AGPAT4: variants seen among roughly 807,000 people sequenced by gnomAD.
The protein encoded by AGPAT4 is 1-acylglycerol-3-phosphate O-acyltransferase 4.
A neutral mutation model predicts 48.0 loss-of-function variants in AGPAT4; 15 were observed. That is an observed-to-expected ratio of 0.31 (90% CI 0.21 to 0.48). AGPAT4 has a LOEUF of 0.48. Among genes scored for constraint, AGPAT4 ranks in the 20% least tolerant of loss-of-function variants. AGPAT4 has a pLI of 0.99. For synonymous variants in AGPAT4, 178 were observed against 198.7 expected (o/e 0.90, Z 0.88); for missense variants, 314 against 482.5 (o/e 0.65, Z 3.27).
chr6:161,238,068 G>A lies in AGPAT4; in HGVS notation c.-89-5766C>T, dbSNP rs1173992999. Among the ~76,000 whole-genome samples, 2 of 149,796 alleles carry A rather than the reference G, an allele frequency of 1.3e-5. No individual in the cohort carries two copies. Among genetic ancestry groups the A allele is most frequent in the Non-Finnish European group, 3.0e-5 (2 of 67,184 alleles). On this transcript the variant is annotated intron_variant, in intron 1 of 8. Coordinates refer to ENST00000320285, the MANE Select transcript of AGPAT4 (RefSeq NM_020133.3). The surrounding 1 kb of genome is among the most constrained non-coding windows in gnomAD (Gnocchi z 5.2). ...TGCTGTGTGTTGGGGGGCTGGGGGT[G>A]GGGGGGTAATGGGGGGGTTGGGGGG...
chr6:161,208,757 A>G lies in AGPAT4; in HGVS notation c.178+23279T>C, dbSNP rs116744710. On this transcript the variant is annotated intron_variant, in intron 2 of 8. Transcript: ENST00000320285. This position sits in a 1 kb window ranked among gnomAD's most constrained non-coding sequence, Gnocchi z 4.6. ...TGCTGATTTATTTAAATAAAAAATT[A>G]TTTCCCAAGTATTTACATAAGGCAC... is the stretch of plus-strand genomic sequence containing the variant. Among the ~76,000 whole-genome samples, 784 of 152,350 alleles carry G rather than the reference A, an allele frequency of 5.1e-3. 6 individuals are homozygous for G. The highest frequency in any genetic ancestry group is 0.018 in the African/African-American group (745 of 41,576).
rs920004122 is a variant in AGPAT4, at chr6:161,149,611, G to A, written c.665-322C>T. Among the ~76,000 whole-genome samples, 6 of 151,698 alleles carry A rather than the reference G, an allele frequency of 4.0e-5. No individual in the cohort carries two copies. Among genetic ancestry groups the A allele is most frequent in the Non-Finnish European group, 7.4e-5 (5 of 67,962 alleles). On this transcript the variant is annotated intron_variant, in intron 5 of 8. Transcript: ENST00000320285. The surrounding 1 kb of genome is among the most constrained non-coding windows in gnomAD (Gnocchi z 6.5). Reference sequence around the variant, plus strand: ...CCCAGGAGTGCAGTGGTGCAATCTCGGCTCACTACAACCTCTGCCTCCCGG... The same window carrying A: ...CCCAGGAGTGCAGTGGTGCAATCTCAGCTCACTACAACCTCTGCCTCCCGG...
intron 8 of AGPAT4, among the ~76,000 whole-genome samples, chr6:161,136,944 AC>A (rs1779086540): frequency 1.3e-5 from 2 of 152,040 alleles, no homozygotes; most frequent in African/African-American, 4.8e-5. Flanking sequence ...TCCTCTGCTG[AC>A]CCCCAGGTAA....
chr6:161,183,066 C>T (rs1780646406), intron 2 of AGPAT4, among the ~76,000 whole-genome samples: 2 of 152,126 alleles, frequency 1.3e-5, no homozygotes, highest in Admixed American at 1.3e-4. Flanking sequence ...TTTCCTCCTG[C>T]CCCCACCACC....
Position 161,233,403 on chromosome 6 carries a change from GT to G in AGPAT4, c.-89-1102del, listed in dbSNP as rs1052531151. On this transcript the variant is annotated intron_variant, in intron 1 of 8. Coordinates refer to ENST00000320285, the MANE Select transcript of AGPAT4 (RefSeq NM_020133.3). This position sits in a 1 kb window ranked among gnomAD's most constrained non-coding sequence, Gnocchi z 5.4. Reference sequence around the variant, plus strand: ...AGACTACCCCAGGAAGACGTCTAATGTTACGACAAACTTTCTAACAATAATA... The same window carrying G: ...AGACTACCCCAGGAAGACGTCTAATGTACGACAAACTTTCTAACAATAATA... 4.1e-4 allele frequency among the ~76,000 whole-genome samples: 62 copies of G among 152,278 alleles called. No homozygotes were observed. Among genetic ancestry groups the G allele is most frequent in the African/African-American group, 1.4e-3 (57 of 41,546 alleles).
In AGPAT4 at chr6:161,143,248, AT is replaced by A. The variant is rs952918344; in HGVS notation, c.843+3275del. ...CCGCTAGGTGCAGCTAGTTTGTAAAATTTTTTTGTAGAGACGGGTTCCCATT... is the reference window on the plus strand; with the variant it reads ...CCGCTAGGTGCAGCTAGTTTGTAAAATTTTTTGTAGAGACGGGTTCCCATT... On this transcript the variant is annotated intron_variant, in intron 7 of 8. Transcript: ENST00000320285. The surrounding 1 kb of genome is among the most constrained non-coding windows in gnomAD (Gnocchi z 4.7). 1.3e-5 allele frequency among the ~76,000 whole-genome samples: 2 copies of A among 152,006 alleles called. No homozygotes were observed. Among genetic ancestry groups the A allele is most frequent in the Non-Finnish European group, 2.9e-5 (2 of 68,008 alleles).
chr6:161,133,154 C>G lies in AGPAT4; in HGVS notation c.*3386G>C, dbSNP rs973068911. On this transcript the variant is annotated 3_prime_UTR_variant, in exon 9 of 9. Coordinates refer to ENST00000320285, the MANE Select transcript of AGPAT4 (RefSeq NM_020133.3). ...TTTGGTCAATATTTATGAATAAGTT[C>G]TAAAGCCTATGCGAAGCCCATTCTG... 3 of 152,202 alleles carry G rather than the reference C, an allele frequency of 2.0e-5. No homozygotes were observed. The highest frequency in any genetic ancestry group is 2.0e-4 in the Admixed American group (3 of 15,286). The allele number at this position is 152,202 out of a possible 1,614,324, so 9.4% of individuals were successfully genotyped here. A position where few individuals can be genotyped will look rare whatever the true frequency, so the allele number is the denominator to read the frequency against.
rs6940668 is a variant in AGPAT4, at chr6:161,177,434, C to T, written c.179-11017G>A. ...TATCGTTTCTTCCACTTGATCGAAT[C>T]GGCCACTGAAACTTGTGCATGTGTC... On this transcript the variant is annotated intron_variant, in intron 2 of 8. Transcript: ENST00000320285. The surrounding 1 kb of genome is among the most constrained non-coding windows in gnomAD (Gnocchi z 5.0). Among the ~76,000 whole-genome samples, 15 of 152,304 alleles carry T rather than the reference C, an allele frequency of 9.8e-5. No individual in the cohort carries two copies. The highest frequency in any genetic ancestry group is 9.6e-4 in the East Asian group (5 of 5,186).
chr6:161,163,197 GC>G (rs1292331038), intron 3 of AGPAT4, among the ~76,000 whole-genome samples: 1 of 152,216 alleles, frequency 6.6e-6, no homozygotes, highest in African/African-American at 2.4e-5. Context: ...ATTTAAAAAT[GC>G]CACCTTCGTG....
At chr6:161,256,468 C>T (rs1782946235) in intron 1 of AGPAT4, among the ~76,000 whole-genome samples, 1 of 152,240 alleles carries the variant, frequency 6.6e-6, no homozygotes, top group Non-Finnish European at 1.5e-5. Flanking sequence ...TCACCACCAG[C>T]GCTGCTCTCT....
In AGPAT4 at chr6:161,243,293, C is replaced by T. The variant is rs1447419686; in HGVS notation, c.-89-10991G>A. ...GTAGGGAAATGGCCCAAGACCCGGC[C>T]CTGGGCCGGCAGAAGCAGGCGTGAG... On this transcript the variant is annotated intron_variant, in intron 1 of 8. Coordinates refer to ENST00000320285, the MANE Select transcript of AGPAT4 (RefSeq NM_020133.3). The surrounding 1 kb of genome is among the most constrained non-coding windows in gnomAD (Gnocchi z 4.8). Among the ~76,000 whole-genome samples, 1 of 152,082 alleles carries T rather than the reference C, an allele frequency of 6.6e-6. No individual in the cohort carries two copies. Among genetic ancestry groups the T allele is most frequent in the African/African-American group, 2.4e-5 (1 of 41,420 alleles).
chr6:161,257,083 G>A (rs148570758), intron 1 of AGPAT4, among the ~76,000 whole-genome samples: 28 of 152,284 alleles, frequency 1.8e-4, no homozygotes, highest in African/African-American at 6.5e-4. Flanking sequence ...GGAGATGGGG[G>A]GAAAGTGGCA....
intron 3 of AGPAT4, among the ~76,000 whole-genome samples, chr6:161,157,169 T>G (rs571292428): frequency 6.6e-6 from 1 of 152,238 alleles, no homozygotes; most frequent in African/African-American, 2.4e-5. Flanking sequence ...TTACAAGTGA[T>G]TTTTATTTTG....
Position 161,233,373 on chromosome 6 carries a change from C to T in AGPAT4, c.-89-1071G>A, listed in dbSNP as rs1015091874. On this transcript the variant is annotated intron_variant, in intron 1 of 8. Coordinates refer to ENST00000320285, the MANE Select transcript of AGPAT4 (RefSeq NM_020133.3). The surrounding 1 kb of genome is among the most constrained non-coding windows in gnomAD (Gnocchi z 5.4). ...TCGCTTTTCCTGGAAGCAGAAGAGC[C>T]TGGCAGACTACCCCAGGAAGACGTC... Among the ~76,000 whole-genome samples, 2 of 152,286 alleles carry T rather than the reference C, an allele frequency of 1.3e-5. No individual in the cohort carries two copies. The highest frequency in any genetic ancestry group is 2.9e-5 in the Non-Finnish European group (2 of 68,024).
At chr6:161,268,597 T>C (rs975281126) in intron 1 of AGPAT4, among the ~76,000 whole-genome samples, 3 of 152,178 alleles carry the variant, frequency 2.0e-5, no homozygotes, top group African/African-American at 7.2e-5. Context: ...GACCATGAAG[T>C]AGTTATGATG....
In AGPAT4 at chr6:161,233,042, G is replaced by A. The variant is rs770893461; in HGVS notation, c.-89-740C>T. 6.6e-6 allele frequency among the ~76,000 whole-genome samples: 1 copy of A among 151,256 alleles called. No individual in the cohort carries two copies. Among genetic ancestry groups the A allele is most frequent in the African/African-American group, 2.4e-5 (1 of 41,166 alleles). The stretch of plus-strand genomic sequence containing the variant: ...ATCAGTAAATACAAATAACTAGGAA[G>A]GTAAGAAAACTACCCCCACCACACC... On this transcript the variant is annotated intron_variant, in intron 1 of 8. Coordinates refer to ENST00000320285, the MANE Select transcript of AGPAT4 (RefSeq NM_020133.3). The surrounding 1 kb of genome is among the most constrained non-coding windows in gnomAD (Gnocchi z 5.4).
intron 1 of AGPAT4, among the ~76,000 whole-genome samples, chr6:161,271,119 A>G (rs1195057468): frequency 6.6e-6 from 1 of 152,126 alleles, no homozygotes; most frequent in African/African-American, 2.4e-5. Context: ...TCTGTCCCCA[A>G]TTTACATCTA....
Position 161,216,282 on chromosome 6 carries a change from G to T in AGPAT4, c.178+15754C>A, listed in dbSNP as rs1057289984. 2.0e-5 allele frequency among the ~76,000 whole-genome samples: 3 copies of T among 152,176 alleles called. No individual in the cohort carries two copies. The highest frequency in any genetic ancestry group is 4.8e-5 in the African/African-American group (2 of 41,452). ...AGGGTCAATGCTTTCAGGGCTCTCA[G>T]AGTAAAGCCATGAAACAGAATAGGC... On this transcript the variant is annotated intron_variant, in intron 2 of 8. Coordinates refer to ENST00000320285, the MANE Select transcript of AGPAT4 (RefSeq NM_020133.3). The surrounding 1 kb of genome is among the most constrained non-coding windows in gnomAD (Gnocchi z 4.8).
In AGPAT4 at chr6:161,136,471, C is replaced by T. The variant is rs1403187753; in HGVS notation, c.*69G>A. The T allele has an allele frequency of 3.5e-6, 5 of 1,410,604 alleles. No individual in the cohort carries two copies. Among genetic ancestry groups the T allele is most frequent in the Non-Finnish European group, 5.0e-6 (5 of 1,000,532 alleles). The allele number at this position is 1,410,604 out of a possible 1,614,324, so 87.4% of individuals were successfully genotyped here. ...CTCACCCAGCCTTTGTCACCGTGTC[C>T]CACTAAGGAGGATATGCAGAGGCCA... On this transcript the variant is annotated 3_prime_UTR_variant, in exon 9 of 9. Coordinates refer to ENST00000320285, the MANE Select transcript of AGPAT4 (RefSeq NM_020133.3).
Sources: allele counts gnomAD v4.1 joint callset (sites outside exome capture counted in the v4.1 genomes callset), GRCh38; gene constraint gnomAD v4.1.1; non-coding constraint Gnocchi (gnomAD v3.1); transcripts MANE v1.5; gene names NCBI Gene and HGNC (gene_info 2026-07-23, HGNC 2026-07-21).